Variants in TYW1B observed in about 807,000 individuals in gnomAD.
TYW1B encodes tRNA-yW synthesizing protein 1 homolog B.
A neutral mutation model predicts 86.9 loss-of-function variants in TYW1B; 73 were observed. The ratio of observed to expected loss-of-function variants is 0.84; its 90% CI spans 0.70 to 1.02. The LOEUF (loss-of-function observed/expected upper bound fraction) is 1.02, where lower values mean the gene tolerates loss of function less well. Ranked by LOEUF, TYW1B falls within the 50% of genes least tolerant of loss-of-function variation. The probability of loss-of-function intolerance (pLI) is 0.00; values close to 1 mark genes in which losing one functional copy is unlikely to be tolerated. For missense variants in TYW1B, 637 were observed against 827.4 expected (o/e 0.77, Z 2.82); for synonymous variants, 248 against 292.8 (o/e 0.85, Z 1.56).
intron 11 of TYW1B, among the ~76,000 whole-genome samples, chr7:72,667,059 A>G (rs1255007848): frequency 6.7e-6 from 1 of 150,194 alleles, no homozygotes; most frequent in Non-Finnish European, 1.5e-5. Flanking sequence ...AAAGAAACTA[A>G]AACAGGGTAA....
chr7:72,621,401 G>A (rs534872098), intron 12 of TYW1B, among the ~76,000 whole-genome samples: 26 of 152,162 alleles, frequency 1.7e-4, no homozygotes, highest in African/African-American at 6.0e-4. Context: ...ACCACGGCAC[G>A]AGGCCTTCCT....
At chr7:72,809,220 T>C (rs1293845908) in intron 4 of TYW1B, among the ~76,000 whole-genome samples, 1 of 151,948 alleles carries the variant, frequency 6.6e-6, no homozygotes. Context: ...TTTTTTTGTA[T>C]TTTTAGTAGA....
chr7:72,791,181 A>T (rs1788211359), intron 6 of TYW1B, among the ~76,000 whole-genome samples: 2 of 152,102 alleles, frequency 1.3e-5, no homozygotes, highest in Non-Finnish European at 2.9e-5. Context: ...TATAATTGGT[A>T]TGCACTCACA....
intron 13 of TYW1B, among the ~76,000 whole-genome samples, chr7:72,586,190 T>C (rs185856100): frequency 3.2e-3 from 484 of 152,296 alleles, no homozygotes; most frequent in African/African-American, 0.011. Context: ...GAGCTTCCAG[T>C]TGTCCTATCG....
At chr7:72,788,288 T>A (rs868915398) in intron 6 of TYW1B, among the ~76,000 whole-genome samples, 3 of 152,122 alleles carry the variant, frequency 2.0e-5, no homozygotes, top group Admixed American at 6.6e-5. Context: ...CTCCTTGTCA[T>A]TCTTAATAGC....
rs543311403 is a variant in TYW1B at position 72,612,082 on chromosome 7, G to A, written c.1785+4590C>T. ...TTCTTTCTCGATGGGTTCTCGCTCT[G>A]TCGCCCAGGCTGGAATCCTTCTAGG... On this transcript the variant is annotated intron_variant, in intron 13 of 13. Coordinates refer to ENST00000620995, the MANE Select transcript of TYW1B (RefSeq NM_001145440.3). Among the ~76,000 whole-genome samples, 40 of 151,040 alleles carry A rather than the reference G, an allele frequency of 2.6e-4. 1 individual carries two copies. The South Asian group carries it at 8.2e-3, about 31-fold the overall frequency.
intron 11 of TYW1B, among the ~76,000 whole-genome samples, chr7:72,666,769 C>T (rs772906100): frequency 2.0e-5 from 3 of 152,132 alleles, no homozygotes; most frequent in Non-Finnish European, 2.9e-5. Context: ...CGGTGGCTCA[C>T]ACCTGTAACC....
At chr7:72,691,689 C>T (rs1238417455) in intron 11 of TYW1B, among the ~76,000 whole-genome samples, 1 of 152,158 alleles carries the variant, frequency 6.6e-6, no homozygotes, top group East Asian at 1.9e-4. Context: ...CCATTTAAAT[C>T]CATTCTAATT....
chr7:72,705,333 C>G (rs1261399892), intron 10 of TYW1B, among the ~76,000 whole-genome samples: 46 of 152,126 alleles, frequency 3.0e-4, no homozygotes, highest in African/African-American at 1.1e-3. Context: ...AGAAAAAACA[C>G]AAAGCAAACA....
At chr7:72,763,981 G>T (rs1787730070) in intron 7 of TYW1B, among the ~76,000 whole-genome samples, 1 of 152,082 alleles carries the variant, frequency 6.6e-6, no homozygotes, top group Non-Finnish European at 1.5e-5. Context: ...ATTAAAATAT[G>T]TTATCAGTCA....
intron 11 of TYW1B, among the ~76,000 whole-genome samples, chr7:72,669,237 T>C (rs1813537901): frequency 7.1e-6 from 1 of 140,672 alleles, no homozygotes; most frequent in Admixed American, 8.0e-5. Flanking sequence ...TTCCGCCTCC[T>C]GGGTTCAAGA....
intron 8 of TYW1B, among the ~76,000 whole-genome samples, chr7:72,736,812 T>C (rs1170071163): frequency 3.9e-5 from 6 of 152,210 alleles, no homozygotes; most frequent in Non-Finnish European, 5.9e-5. Context: ...GTACTTAATT[T>C]CTTTTTATTG....
intron 13 of TYW1B, among the ~76,000 whole-genome samples, chr7:72,596,402 C>T (rs9638304): frequency 0.14 from 21,518 of 151,890 alleles, 2,291 homozygotes; most frequent in East Asian, 0.56. Flanking sequence ...TACAACAAAG[C>T]TATAATAATC....
chr7:72,579,971 A>G (rs1237572270), intron 13 of TYW1B, among the ~76,000 whole-genome samples: 1 of 152,204 alleles, frequency 6.6e-6, no homozygotes, highest in Non-Finnish European at 1.5e-5. Context: ...TTCTTACAAA[A>G]ACACTGATCC....
chr7:72,621,157 T>C (rs1393522999), intron 12 of TYW1B, among the ~76,000 whole-genome samples: 3 of 152,160 alleles, frequency 2.0e-5, no homozygotes, highest in South Asian at 2.1e-4. Flanking sequence ...TGTCTCTCTG[T>C]CCGTCTGTCT....
At chr7:72,578,315 C>T (rs1811074150) in intron 13 of TYW1B, among the ~76,000 whole-genome samples, 1 of 152,060 alleles carries the variant, frequency 6.6e-6, no homozygotes, top group Admixed American at 6.6e-5. Context: ...CGGGGTTTCA[C>T]CGTGTTAGCC....
chr7:72,606,855 T>C (rs1811814063), intron 13 of TYW1B, among the ~76,000 whole-genome samples: 1 of 152,128 alleles, frequency 6.6e-6, no homozygotes. Context: ...CACAGTGCAG[T>C]GTCAAAGGAG....
chr7:72,631,682 G>A (rs1554439798), intron 11 of TYW1B, among the ~76,000 whole-genome samples: 1 of 151,996 alleles, frequency 6.6e-6, no homozygotes, highest in East Asian at 1.9e-4. Flanking sequence ...TAATATGACT[G>A]GTTTCTTGGA....
intron 13 of TYW1B, among the ~76,000 whole-genome samples, chr7:72,605,638 C>G (rs1302739972): frequency 1.1e-4 from 17 of 152,102 alleles, no homozygotes; most frequent in Non-Finnish European, 2.1e-4. Flanking sequence ...AGGTGTGAGC[C>G]ACCGTGCCTG....
Sources: gnomAD v4.1 joint callset for allele counts (sites outside exome capture counted in the v4.1 genomes callset) on GRCh38, gnomAD v4.1.1 for gene constraint, MANE v1.5 for transcripts, NCBI Gene and HGNC (gene_info 2026-07-23, HGNC 2026-07-21) for gene names.